PDZRN4: variants seen among roughly 807,000 people sequenced by gnomAD.
PDZRN4 encodes PDZ domain containing ring finger 4.
In PDZRN4, 70 loss-of-function variants were observed where a neutral mutation model predicts 99.0. The observed-to-expected ratio is 0.71, with a 90% CI of 0.58 to 0.86. PDZRN4 has a LOEUF of 0.86. Ranked by LOEUF, PDZRN4 falls within the 40% of genes least tolerant of loss-of-function variation. The pLI is 0.00. For missense variants in PDZRN4, 1,474 were observed against 1,331.2 expected (o/e 1.11, Z -1.67); for synonymous variants, 551 against 501.6 (o/e 1.10, Z -1.32).
chr12:41,339,061 G>C (rs1951796338), intron 3 of PDZRN4, among the ~76,000 whole-genome samples: 1 of 147,574 alleles, frequency 6.8e-6, no homozygotes, highest in South Asian at 2.1e-4. Context: ...CACAGAAATA[G>C]AAAAAAATTT....
chr12:41,554,912 A>G (rs1042939392), intron 6 of PDZRN4, among the ~76,000 whole-genome samples: 1 of 151,906 alleles, frequency 6.6e-6, no homozygotes, highest in African/African-American at 2.4e-5. Context: ...ATTCTCTTTA[A>G]TAAGTATGGT....
intron 3 of PDZRN4, among the ~76,000 whole-genome samples, chr12:41,397,290 G>C (rs1952254396): frequency 6.6e-6 from 1 of 152,074 alleles, no homozygotes; most frequent in Non-Finnish European, 1.5e-5. Flanking sequence ...TGATTTCTAA[G>C]GATGTGTTTA....
chr12:41,514,632 C>T (rs571565377), intron 5 of PDZRN4, among the ~76,000 whole-genome samples: 5 of 152,148 alleles, frequency 3.3e-5, no homozygotes, highest in South Asian at 2.1e-4. Context: ...GGGTGCTCAA[C>T]GCATATTTCA....
At chr12:41,516,936 T>C (rs190357356) in intron 5 of PDZRN4, among the ~76,000 whole-genome samples, 50 of 152,164 alleles carry the variant, frequency 3.3e-4, no homozygotes, top group Non-Finnish European at 5.9e-4. Context: ...GTTTATTAAA[T>C]TGCATGATTT....
At chr12:41,531,519 T>C (rs1173064814) in intron 5 of PDZRN4, among the ~76,000 whole-genome samples, 1 of 152,178 alleles carries the variant, frequency 6.6e-6, no homozygotes, top group Non-Finnish European at 1.5e-5. Context: ...CTTAGGCTTT[T>C]ATAGGCCCAG....
At chr12:41,318,698 C>G (rs1951654905) in intron 3 of PDZRN4, among the ~76,000 whole-genome samples, 1 of 152,148 alleles carries the variant, frequency 6.6e-6, no homozygotes, top group Non-Finnish European at 1.5e-5. Flanking sequence ...ACACCAGATT[C>G]TAATGATTTT....
At chr12:41,311,130 C>T (rs1047082842) in intron 3 of PDZRN4, among the ~76,000 whole-genome samples, 13 of 152,052 alleles carry the variant, frequency 8.5e-5, no homozygotes, top group South Asian at 2.1e-4. Context: ...CAATTTAGGA[C>T]GTTATATAAT....
At chr12:41,238,578 A>G (rs1460340566) in intron 3 of PDZRN4, among the ~76,000 whole-genome samples, 1 of 152,044 alleles carries the variant, frequency 6.6e-6, no homozygotes, top group Admixed American at 6.6e-5. Context: ...ATGGACAGAC[A>G]CCTCTCAAAA....
chr12:41,197,920 G>GTTTTTT (rs533696414), intron 3 of PDZRN4, among the ~76,000 whole-genome samples: 5,420 of 115,404 alleles, frequency 0.047, 476 homozygotes, highest in African/African-American at 0.13. Context: ...TTTTTTCTGG[G>GTTTTTT]TTTTTTTTTT....
At chr12:41,353,234 T>C (rs1057282412) in intron 3 of PDZRN4, among the ~76,000 whole-genome samples, 2 of 152,130 alleles carry the variant, frequency 1.3e-5, no homozygotes, top group Non-Finnish European at 2.9e-5. Flanking sequence ...AATGGGTTGA[T>C]GGTTTTATTA....
intron 3 of PDZRN4, among the ~76,000 whole-genome samples, chr12:41,399,296 TAA>T (rs1163558196): frequency 6.6e-6 from 1 of 152,292 alleles, no homozygotes; most frequent in African/African-American, 2.4e-5. Flanking sequence ...TATGAAAGCA[TAA>T]GAGTATTAAA....
intron 2 of PDZRN4, among the ~76,000 whole-genome samples, chr12:41,192,895 T>C (rs1014261832): frequency 6.6e-6 from 1 of 152,244 alleles, no homozygotes; most frequent in African/African-American, 2.4e-5. Flanking sequence ...TGAATTCCTG[T>C]GTCAACTTAA....
At chr12:41,510,087 A>G (rs1938281306) in intron 5 of PDZRN4, among the ~76,000 whole-genome samples, 174 bp downstream of exon 5, 1 of 152,132 alleles carries the variant, frequency 6.6e-6, no homozygotes, top group African/African-American at 2.4e-5. Context: ...TTTTAAGTAT[A>G]TTGGAAAATA....
intron 3 of PDZRN4, among the ~76,000 whole-genome samples, chr12:41,344,451 A>G (rs1951838403): frequency 1.3e-5 from 2 of 152,086 alleles, no homozygotes; most frequent in African/African-American, 4.8e-5. Flanking sequence ...TTAGAAAATC[A>G]TTAAATGTCA....
intron 3 of PDZRN4, chr12:41,477,920 T>C (rs1160105387): frequency 6.6e-7 from 1 of 1,525,974 alleles, no homozygotes; most frequent in East Asian, 2.3e-5. Context: ...GGCCATCCAC[T>C]GTAAGTATGG....
At chr12:41,393,039 G>A (rs1952220694) in intron 3 of PDZRN4, among the ~76,000 whole-genome samples, 1 of 152,124 alleles carries the variant, frequency 6.6e-6, no homozygotes, top group Non-Finnish European at 1.5e-5. Flanking sequence ...CTGTATAAGT[G>A]TTCTCACTAT....
intron 3 of PDZRN4, among the ~76,000 whole-genome samples, chr12:41,214,009 A>G (rs1327323953): frequency 6.6e-6 from 1 of 151,996 alleles, no homozygotes; most frequent in Non-Finnish European, 1.5e-5. Flanking sequence ...GTACATAGCC[A>G]CCTTCGTAAA....
At chr12:41,260,825 G>A (rs1313363274) in intron 3 of PDZRN4, among the ~76,000 whole-genome samples, 1 of 152,076 alleles carries the variant, frequency 6.6e-6, no homozygotes, top group East Asian at 1.9e-4. Flanking sequence ...TTCATCCACA[G>A]AGAAACATTA....
Position 41,188,866 on chromosome 12 carries a change from C to G in PDZRN4, c.411C>G (p.Pro137=), listed in dbSNP as rs1028762705. Residue 137 remains proline (P), a synonymous_variant, in exon 1 of 10, where the codon CCC becomes CCG. Transcript: ENST00000402685. The part of the protein sequence containing the change: ...VPARGGCGPT[P]RAGRGGGARG... ...CGCGGGGGGGCTGCGGTCCGACACCCAGGGCTGGCCGGGGCGGGGGCGCGC... is the reference window on the plus strand; with the variant it reads ...CGCGGGGGGGCTGCGGTCCGACACCGAGGGCTGGCCGGGGCGGGGGCGCGC... The G allele has an allele frequency of 7.6e-6, 9 of 1,186,200 alleles. No individual in the cohort carries two copies. Among genetic ancestry groups the G allele is most frequent in the African/African-American group, 1.6e-5 (1 of 62,140 alleles). The allele number at this position is 1,186,200 out of a possible 1,614,324, so 73.5% of individuals were successfully genotyped here. A position where few individuals can be genotyped will look rare whatever the true frequency, so the allele number is the denominator to read the frequency against.
Sources: gnomAD v4.1 joint callset for allele counts (sites outside exome capture counted in the v4.1 genomes callset) on GRCh38, gnomAD v4.1.1 for gene constraint, MANE v1.5 for transcripts, NCBI Gene and HGNC (gene_info 2026-07-23, HGNC 2026-07-21) for gene names.